BNC2: variants seen among roughly 807,000 people sequenced by gnomAD.
The protein encoded by BNC2 is zinc finger protein basonuclin-2.
In BNC2, 20 loss-of-function variants were observed where a neutral mutation model predicts 76.3. The ratio of observed to expected loss-of-function variants is 0.26; its 90% CI spans 0.18 to 0.38. The LOEUF (loss-of-function observed/expected upper bound fraction) is 0.38, where lower values mean the gene tolerates loss of function less well. Among genes scored for constraint, BNC2 ranks in the 10% least tolerant of loss-of-function variants. The pLI, the probability that BNC2 is intolerant of heterozygous loss-of-function variation, is 1.00. For synonymous variants in BNC2, 582 were observed against 514.8 expected (o/e 1.13, Z -1.77); for missense variants, 1,382 against 1,399.8 (o/e 0.99, Z 0.20).
intron 1 of BNC2, among the ~76,000 whole-genome samples, chr9:16,771,063 G>C (rs1825820353): frequency 6.6e-6 from 1 of 152,116 alleles, no homozygotes; most frequent in Admixed American, 6.5e-5. Context: ...CAGCTACTCA[G>C]GAGGCTAAGG....
At chr9:16,856,094 T>C (rs745415895) in intron 1 of BNC2, among the ~76,000 whole-genome samples, 1 of 152,158 alleles carries the variant, frequency 6.6e-6, no homozygotes, top group Non-Finnish European at 1.5e-5. Context: ...AAAAACAATG[T>C]ATCAAGTATT....
At chr9:16,610,664 T>C (rs931181337) in intron 3 of BNC2, among the ~76,000 whole-genome samples, 9 of 152,174 alleles carry the variant, frequency 5.9e-5, no homozygotes, top group African/African-American at 2.2e-4. Flanking sequence ...CTCATTCTCA[T>C]ACATGGTATT....
intron 3 of BNC2, among the ~76,000 whole-genome samples, chr9:16,588,087 A>G (rs1055747528): frequency 5.9e-5 from 9 of 152,312 alleles, no homozygotes; most frequent in Admixed American, 5.9e-4. Flanking sequence ...AAAATACATG[A>G]TTCTCTGAGC....
intron 3 of BNC2, among the ~76,000 whole-genome samples, chr9:16,707,666 G>A (rs187021616): frequency 2.6e-4 from 40 of 152,198 alleles, no homozygotes; most frequent in Admixed American, 6.5e-4. Flanking sequence ...TTTTGAGATG[G>A]AGTCTCACTC....
chr9:16,616,472 G>A (rs1463628670), intron 3 of BNC2, among the ~76,000 whole-genome samples: 1 of 151,932 alleles, frequency 6.6e-6, no homozygotes, highest in Non-Finnish European at 1.5e-5. Context: ...CCAGGCAGGT[G>A]GATCACTTGA....
chr9:16,682,894 A>C (rs1459166721), intron 3 of BNC2, among the ~76,000 whole-genome samples: 1 of 152,224 alleles, frequency 6.6e-6, no homozygotes, highest in Non-Finnish European at 1.5e-5. Flanking sequence ...AAAGTAAAAT[A>C]TCAGCAATTA....
chr9:16,454,819 A>T (rs1448730377), intron 5 of BNC2, among the ~76,000 whole-genome samples: 1 of 152,238 alleles, frequency 6.6e-6, no homozygotes, highest in African/African-American at 2.4e-5. Context: ...TAATATACTC[A>T]GAAATAAGAA....
intron 3 of BNC2, among the ~76,000 whole-genome samples, chr9:16,600,811 G>A (rs1563857778): frequency 1.3e-5 from 2 of 152,154 alleles, no homozygotes; most frequent in Non-Finnish European, 2.9e-5. Flanking sequence ...GTTTGTGTAT[G>A]AAGGAATTAC....
chr9:16,635,341 T>C (rs1821291471), intron 3 of BNC2, among the ~76,000 whole-genome samples: 1 of 152,224 alleles, frequency 6.6e-6, no homozygotes, highest in African/African-American at 2.4e-5. Flanking sequence ...TTGTGGAAAT[T>C]ACTGATTTTG....
chr9:16,817,287 C>A (rs112742327), intron 1 of BNC2, among the ~76,000 whole-genome samples: 3 of 152,254 alleles, frequency 2.0e-5, no homozygotes, highest in African/African-American at 7.2e-5. Context: ...CTCCTCTCCT[C>A]GCAAAGTAAT....
Position 16,436,049 on chromosome 9 carries a change from G to A in BNC2, c.2145C>T (p.Asp715=). Residue 715 remains aspartate, a synonymous_variant, in exon 6 of 7, where the codon GAC becomes GAT. Coordinates refer to ENST00000380672, the MANE Select transcript of BNC2 (RefSeq NM_017637.6). ...IRRADSMTSE[D]QEPERDYENE... ...TCTCATAGTCCCGCTCAGGTTCTTG[G>A]TCTTCAGAAGTCATGCTGTCGGCCC... 1 of 1,614,132 alleles carries A rather than the reference G, an allele frequency of 6.2e-7. No individual in the cohort carries two copies. The highest frequency in any genetic ancestry group is 8.5e-7 in the Non-Finnish European group (1 of 1,180,034).
At chr9:16,486,604 T>TTTAA (rs1822168871) in intron 5 of BNC2, among the ~76,000 whole-genome samples, 1 of 152,236 alleles carries the variant, frequency 6.6e-6, no homozygotes, top group Admixed American at 6.5e-5. Flanking sequence ...CTCAGAAACA[T>TTTAA]TTAATGACAC....
intron 3 of BNC2, among the ~76,000 whole-genome samples, chr9:16,688,024 C>A (rs1282042926): frequency 6.6e-6 from 1 of 152,100 alleles, no homozygotes; most frequent in Non-Finnish European, 1.5e-5. Context: ...GCTAGGATTT[C>A]TGAGCAGAAA....
intron 3 of BNC2, among the ~76,000 whole-genome samples, chr9:16,655,323 C>A (rs932501478): frequency 6.6e-6 from 1 of 152,086 alleles, no homozygotes; most frequent in African/African-American, 2.4e-5. Flanking sequence ...GGGGACAGTG[C>A]TTATTGCTAA....
Position 16,752,094 on chromosome 9 carries a change from G to C in BNC2, c.4-13609C>G, listed in dbSNP as rs530278707. Among the ~76,000 whole-genome samples the C allele has an allele frequency of 2.0e-5, 3 of 152,240 alleles. No individual in the cohort carries two copies. The South Asian group carries it at 6.2e-4, about 32-fold the overall frequency. ...TTATGTACGGTAACTTGAACTCCTAGCTGAAGACTGTTCTAATAATTTCTT... is the reference window on the plus strand; with the variant it reads ...TTATGTACGGTAACTTGAACTCCTACCTGAAGACTGTTCTAATAATTTCTT... On this transcript the variant is annotated intron_variant, in intron 1 of 6. Transcript: ENST00000380672.
At chr9:16,580,227 C>A (rs1819595707) in intron 4 of BNC2, 1 of 398,246 alleles carries the variant, frequency 2.5e-6, no homozygotes, top group African/African-American at 2.1e-5. Flanking sequence ...CCACTGCCAA[C>A]TCCAAGGCTA....
intron 3 of BNC2, among the ~76,000 whole-genome samples, chr9:16,715,624 T>C (rs1342019411): frequency 6.6e-6 from 1 of 152,200 alleles, no homozygotes; most frequent in African/African-American, 2.4e-5. Context: ...TGGCTCATCA[T>C]TATAAAGCAG....
intron 5 of BNC2, among the ~76,000 whole-genome samples, chr9:16,477,522 T>C (rs1282166980): frequency 2.0e-5 from 3 of 152,216 alleles, no homozygotes; most frequent in Admixed American, 1.3e-4. Flanking sequence ...TCTCTTACTC[T>C]CTTGGATCTG....
At chr9:16,454,840 T>G (rs915742409) in intron 5 of BNC2, among the ~76,000 whole-genome samples, 2 of 152,198 alleles carry the variant, frequency 1.3e-5, no homozygotes, top group Non-Finnish European at 2.9e-5. Flanking sequence ...TATTAATATT[T>G]TCTAATACAA....
Sources: gnomAD v4.1 joint callset for allele counts (sites outside exome capture counted in the v4.1 genomes callset) on GRCh38, gnomAD v4.1.1 for gene constraint, MANE v1.5 for transcripts, NCBI Gene and HGNC (gene_info 2026-07-23, HGNC 2026-07-21) for gene names.